MTAP: variants seen among roughly 807,000 people sequenced by gnomAD.
The protein encoded by MTAP is methylthioadenosine phosphorylase.
In MTAP, 33 loss-of-function variants were observed where a neutral mutation model predicts 33.6. That is an observed-to-expected ratio of 0.98 (90% CI 0.74 to 1.31). The LOEUF is 1.31. MTAP is among the 40% of genes most tolerant of loss of function. MTAP has a pLI of 0.00. For missense variants in MTAP, 367 were observed against 360.0 expected, an observed-to-expected ratio of 1.02 and a Z score of -0.16; for synonymous variants, 148 against 125.7, an observed-to-expected ratio of 1.18 and a Z score of -1.19.
chr9:21,888,899 A>G (rs1269184459), intron 1 of MTAP, among the ~76,000 whole-genome samples: 8 of 152,200 alleles, frequency 5.3e-5, no homozygotes, highest in African/African-American at 9.6e-5. Flanking sequence ...CAAAAGCATC[A>G]TGTAATCTAT....
chr9:21,906,309 T>C (rs1337281839), intron 1 of MTAP, among the ~76,000 whole-genome samples: 1 of 152,076 alleles, frequency 6.6e-6, no homozygotes, highest in African/African-American at 2.4e-5. Context: ...AAATATACTT[T>C]AGAAAACAAA....
chr9:21,811,922 C>A, intron 1 of MTAP: 1 of 341,148 alleles, frequency 2.9e-6, no homozygotes, highest in Non-Finnish European at 5.8e-6. Flanking sequence ...CTTGGGGGAT[C>A]CAACCAACAA....
chr9:21,829,904 A>T (rs1434414676), intron 4 of MTAP, among the ~76,000 whole-genome samples: 7 of 152,160 alleles, frequency 4.6e-5, no homozygotes, highest in Non-Finnish European at 7.4e-5. Context: ...TTTAAGAAAA[A>T]TGTCATTCTT....
intron 1 of MTAP, among the ~76,000 whole-genome samples, chr9:21,891,287 G>A (rs544169095): frequency 2.6e-5 from 4 of 151,984 alleles, no homozygotes; most frequent in Non-Finnish European, 5.9e-5. Context: ...TTCTTAACCA[G>A]GCTGAAATGG....
chr9:21,930,572 G>C (rs2811715), intron 1 of MTAP: 1 of 318,594 alleles, frequency 3.1e-6, no homozygotes. Context: ...CTAAACTGCC[G>C]GAATCTCAAA....
At chr9:21,887,286 G>A (rs930939974) in intron 1 of MTAP, among the ~76,000 whole-genome samples, 4 of 149,982 alleles carry the variant, frequency 2.7e-5, no homozygotes, top group Admixed American at 1.3e-4. Flanking sequence ...AATAGGCCCC[G>A]ATGTGTGATG....
At chr9:21,871,812 A>T (rs1202429365), downstream of MTAP, among the ~76,000 whole-genome samples, 1 of 152,116 alleles carries the variant, frequency 6.6e-6, no homozygotes, top group African/African-American at 2.4e-5. Flanking sequence ...TGATTTTACT[A>T]CGTAAAATTC....
downstream of MTAP, among the ~76,000 whole-genome samples, chr9:21,871,090 A>C (rs1825930015): frequency 6.6e-6 from 1 of 152,152 alleles, no homozygotes; most frequent in Non-Finnish European, 1.5e-5. Context: ...AATTTTTATA[A>C]GAAATGTTCT....
At chr9:21,823,920 T>G (rs1329904031) in intron 4 of MTAP, among the ~76,000 whole-genome samples, 2 of 152,244 alleles carry the variant, frequency 1.3e-5, no homozygotes, top group African/African-American at 4.8e-5. Flanking sequence ...GCTTGTGCAT[T>G]CGTCACGTAG....
At chr9:21,882,799 T>A (rs1818036040) in intron 1 of MTAP, among the ~76,000 whole-genome samples, 1 of 151,998 alleles carries the variant, frequency 6.6e-6, no homozygotes, top group Non-Finnish European at 1.5e-5. Context: ...AAATTAATGT[T>A]TAATAGTAAA....
chr9:21,882,642 T>C (rs1818033505), intron 1 of MTAP, among the ~76,000 whole-genome samples: 1 of 151,994 alleles, frequency 6.6e-6, no homozygotes, highest in Non-Finnish European at 1.5e-5. Flanking sequence ...CTTGATTAAG[T>C]AAACGTTTTA....
downstream of MTAP, chr9:21,931,412 G>A (rs1257249075): frequency 2.2e-5 from 10 of 446,020 alleles, no homozygotes; most frequent in Non-Finnish European, 4.0e-5. Context: ...ATCATCAGGT[G>A]GTTGTTAAAC....
rs558679258 is a variant in MTAP at position 21,842,923 on chromosome 9, T to C, written c.450+4913T>C. Among the ~76,000 whole-genome samples, 3 of 152,248 alleles carry C rather than the reference T, an allele frequency of 2.0e-5. No homozygotes were observed. The East Asian group carries it at 5.8e-4, about 29-fold the overall frequency. Reference sequence around the variant, plus strand: ...AGTACCTCACATCCCAATACTGATGTCGAATGTAAATGACCTAAATGCCCC... The same window carrying C: ...AGTACCTCACATCCCAATACTGATGCCGAATGTAAATGACCTAAATGCCCC... On this transcript the variant is annotated intron_variant, in intron 5 of 7. Transcript: ENST00000644715.
At chr9:21,827,880 G>A (rs1322988648) in intron 4 of MTAP, among the ~76,000 whole-genome samples, 2 of 152,130 alleles carry the variant, frequency 1.3e-5, no homozygotes, top group Non-Finnish European at 2.9e-5. Context: ...TAAATAGAGT[G>A]GAATACAAAA....
At chr9:21,852,488 C>A (rs113624288) in intron 5 of MTAP, among the ~76,000 whole-genome samples, 11 of 136,862 alleles carry the variant, frequency 8.0e-5, no homozygotes, top group Admixed American at 1.5e-4. Flanking sequence ...CCAGCGTGGG[C>A]GACAGAGTGA....
chr9:21,930,701 C>T (rs2518715), intron 1 of MTAP: 447,505 of 577,752 alleles, frequency 0.77, 176,449 homozygotes, highest in African/African-American at 0.95. Context: ...TCCTCCAAAA[C>T]TGTCAAGGAC....
intron 4 of MTAP, among the ~76,000 whole-genome samples, chr9:21,821,872 C>T (rs1048355515): frequency 6.6e-6 from 1 of 152,104 alleles, no homozygotes; most frequent in Admixed American, 6.6e-5. Flanking sequence ...GTGTGTGTGT[C>T]CAGGAATTTA....
intron 1 of MTAP, among the ~76,000 whole-genome samples, chr9:21,890,488 A>G (rs967394157): frequency 6.6e-6 from 1 of 152,024 alleles, no homozygotes; most frequent in Admixed American, 6.6e-5. Context: ...TGATTGGTCA[A>G]AATTATTACA....
downstream of MTAP, among the ~76,000 whole-genome samples, chr9:21,867,549 T>C (rs1216398580): frequency 3.9e-5 from 6 of 152,152 alleles, no homozygotes; most frequent in Non-Finnish European, 7.4e-5. Context: ...TAATGCTGGA[T>C]TCGGTTTGCA....
Sources: allele counts gnomAD v4.1 joint callset (sites outside exome capture counted in the v4.1 genomes callset), GRCh38; gene constraint gnomAD v4.1.1; transcripts MANE v1.5; gene names NCBI Gene and HGNC (gene_info 2026-07-23, HGNC 2026-07-21).